Variants in SPECC1 observed in about 807,000 individuals in gnomAD.
The protein encoded by SPECC1 is cytospin-B.
SPECC1 carries 62 observed loss-of-function variants against 104.1 expected under a neutral mutation model. The ratio of observed to expected loss-of-function variants is 0.60; its 90% CI spans 0.49 to 0.74. The LOEUF (loss-of-function observed/expected upper bound fraction) is 0.74. Ranked by LOEUF, SPECC1 falls within the 30% of genes least tolerant of loss-of-function variation. SPECC1 has a pLI of 0.00. For missense variants in SPECC1, 1,306 were observed against 1,310.5 expected (o/e 1.00, Z 0.05); for synonymous variants, 513 against 501.6 (o/e 1.02, Z -0.30).
In SPECC1 at chr17:20,237,284, T is replaced by TTG. The variant is rs2038972144; in HGVS notation, c.2351+4880_2351+4881insGT. 3 of 1,086,804 alleles carry TTG rather than the reference T, an allele frequency of 2.8e-6. No homozygotes were observed. The African/African-American group carries it at 4.9e-5, about 18-fold the overall frequency. 67.3% of individuals were successfully genotyped at this position (1,086,804 alleles called of 1,614,324 possible). ...AGCGCAGGCCCGAGTTCTTTTGTTT[T>TTG]TTGTTGTTGTTGTTGTTGTTGTTTT... On this transcript the variant is annotated intron_variant, in intron 7 of 14. Coordinates refer to ENST00000395527, the MANE Select transcript of SPECC1 (RefSeq NM_001243439.2).
intron 2 of SPECC1, among the ~76,000 whole-genome samples, chr17:20,099,402 C>T (rs1208724886): frequency 3.3e-5 from 5 of 150,102 alleles, no homozygotes; most frequent in Admixed American, 6.7e-5. Context: ...AATAAGGCCT[C>T]GGCCGGGCAG....
In SPECC1 at chr17:20,132,712, GTTATTTATTTATTTATTTAT is replaced by G. The variant is rs56948106; in HGVS notation, c.283+22173_283+22192del. ...TCTAAACTGTCAAATTTTATGTGTA[GTTATTTATTTATTTATTTAT>G]TTATTTATTTATTTATTTATTTGTT... On this transcript the variant is annotated intron_variant, in intron 3 of 14. Coordinates refer to ENST00000395527, the MANE Select transcript of SPECC1 (RefSeq NM_001243439.2). Among the ~76,000 whole-genome samples, 22 of 144,994 alleles carry G rather than the reference GTTATTTATTTATTTATTTAT, an allele frequency of 1.5e-4. No individual in the cohort carries two copies. The South Asian group carries it at 4.4e-3, about 29-fold the overall frequency.
intron 1 of SPECC1, among the ~76,000 whole-genome samples, chr17:20,062,476 C>T (rs561890717): frequency 3.9e-5 from 6 of 152,142 alleles, no homozygotes; most frequent in African/African-American, 1.4e-4. Flanking sequence ...GATCCTCCCA[C>T]CTCAGCCTCC....
intron 4 of SPECC1, among the ~76,000 whole-genome samples, chr17:20,210,432 C>A (rs924853343): frequency 6.6e-6 from 1 of 152,176 alleles, no homozygotes; most frequent in African/African-American, 2.4e-5. Context: ...CTCAGCATTG[C>A]CAAGCATCTT....
At chr17:20,283,202 A>C (rs1005881986) in intron 12 of SPECC1, among the ~76,000 whole-genome samples, 2 of 152,186 alleles carry the variant, frequency 1.3e-5, no homozygotes, top group Admixed American at 6.5e-5. Context: ...AAACAAACAA[A>C]AAAGATTAAA....
chr17:20,183,513 G>T (rs1331201198), intron 3 of SPECC1, among the ~76,000 whole-genome samples: 1 of 152,128 alleles, frequency 6.6e-6, no homozygotes, highest in African/African-American at 2.4e-5. Context: ...GTCATCCTCA[G>T]TATCCTTGGG....
intron 1 of SPECC1, among the ~76,000 whole-genome samples, chr17:20,019,205 ATCAT>A (rs34263890): frequency 0.41 from 37,351 of 91,698 alleles, 5,835 homozygotes; most frequent in Middle Eastern, 0.49. Context: ...AGAAGACCCT[ATCAT>A]TCATTTATTT....
chr17:20,257,338 A>G (rs1176858838), intron 10 of SPECC1, 113 bp from the exon 11 acceptor site: 5 of 1,235,258 alleles, frequency 4.0e-6, no homozygotes, highest in Non-Finnish European at 5.5e-6. Flanking sequence ...GAAACTATAT[A>G]TATGTTTGCA....
At chr17:20,059,448 T>A (rs1261070724) in intron 1 of SPECC1, among the ~76,000 whole-genome samples, 1 of 152,154 alleles carries the variant, frequency 6.6e-6, no homozygotes, top group African/African-American at 2.4e-5. Context: ...GCTCACCTCC[T>A]GCTGTGTGGC....
chr17:20,308,051 A>G (rs532129619), intron 14 of SPECC1, among the ~76,000 whole-genome samples: 1 of 152,324 alleles, frequency 6.6e-6, no homozygotes, highest in East Asian at 1.9e-4. Context: ...AAGATGTTCA[A>G]TCTCATTAGG....
intron 13 of SPECC1, among the ~76,000 whole-genome samples, chr17:20,305,150 C>T (rs1360969919): frequency 6.6e-6 from 1 of 152,044 alleles, no homozygotes; most frequent in Non-Finnish European, 1.5e-5. Context: ...CCACAGCTGG[C>T]TTCTGTGATG....
chr17:20,095,008 G>A (rs537268830), intron 1 of SPECC1, among the ~76,000 whole-genome samples: 88 of 152,282 alleles, frequency 5.8e-4, no homozygotes, highest in Middle Eastern at 3.4e-3. Context: ...ACAGGTTGCT[G>A]GTTGATTCTG....
chr17:20,207,772 A>G (rs1347211318), intron 4 of SPECC1, among the ~76,000 whole-genome samples: 2 of 152,200 alleles, frequency 1.3e-5, no homozygotes. Flanking sequence ...AAAAACTTGC[A>G]TTGATATGAT....
rs764865711 is a variant in SPECC1 at position 20,204,543 on chromosome 17, C to T, written c.494C>T (p.Ala165Val). 5.6e-6 allele frequency: 9 copies of T among 1,614,126 alleles called. No individual in the cohort carries two copies. Among genetic ancestry groups the T allele is most frequent in the East Asian group, 2.2e-5 (1 of 44,882 alleles). ...GAGAATGAAGGTGGAGAAAAGGCTG[C>T]GCTTGAGTCCCAAGTTCGGGAACTT... ...KQENEGGEKA[A>V]LESQVRELLA... is the part of the protein sequence containing the mutation. Residue 165 changes from alanine (A) to valine (V), a missense_variant, in exon 4 of 15, where the codon GCG (alanine) becomes GTG (valine). By Grantham distance (64) the Ala-to-Val change is moderately conservative (BLOSUM62 0). Around this residue, in one of 2 missense-constraint regions of SPECC1, gnomAD observed 1,177 missense variants for 1,139.9 expected, o/e 1.03. Transcript: ENST00000395527.
At chr17:20,155,787 C>A in intron 3 of SPECC1, 1 of 419,610 alleles carries the variant, frequency 2.4e-6, no homozygotes, top group Non-Finnish European at 3.3e-6. Context: ...CGGTTCTCAG[C>A]ATCCGCGGGC....
intron 1 of SPECC1, among the ~76,000 whole-genome samples, chr17:20,036,578 T>G (rs924747297): frequency 6.6e-5 from 10 of 152,208 alleles, no homozygotes; most frequent in African/African-American, 2.4e-4. Flanking sequence ...TAACACCCAC[T>G]CTTTTAGTAT....
At chr17:20,255,548 T>C (rs1289466218) in intron 10 of SPECC1, among the ~76,000 whole-genome samples, 1 of 152,216 alleles carries the variant, frequency 6.6e-6, no homozygotes, top group Non-Finnish European at 1.5e-5. Flanking sequence ...CTTAAAGTTT[T>C]CTATTGTGTA....
At chr17:20,245,056 A>T (rs1394312468) in intron 7 of SPECC1, among the ~76,000 whole-genome samples, 1 of 152,252 alleles carries the variant, frequency 6.6e-6, no homozygotes. Context: ...GCAGAATTGC[A>T]GTGTGATTTT....
At chr17:20,159,372 CT>C (rs2032921872) in intron 3 of SPECC1, among the ~76,000 whole-genome samples, 1 of 152,196 alleles carries the variant, frequency 6.6e-6, no homozygotes, top group Non-Finnish European at 1.5e-5. Flanking sequence ...TAAGTTCTTT[CT>C]TGAAAAAGGG....
Sources: gnomAD v4.1 joint callset for allele counts (sites outside exome capture counted in the v4.1 genomes callset) on GRCh38, gnomAD v4.1.1 for gene constraint, gnomAD v4.1.1 regional missense constraint, MANE v1.5 for transcripts, NCBI Gene and HGNC (gene_info 2026-07-23, HGNC 2026-07-21) for gene names.